Variants in HHIPL2 observed in about 807,000 individuals in gnomAD.
The protein encoded by HHIPL2 is HHIP-like protein 2.
HHIPL2 carries 61 observed loss-of-function variants against 61.0 expected under a neutral mutation model. The ratio of observed to expected loss-of-function variants is 1.00; its 90% CI spans 0.81 to 1.24. The LOEUF is 1.24. Among genes scored for constraint, HHIPL2 ranks in the 50% most tolerant of loss-of-function variants. The pLI, the probability that HHIPL2 is intolerant of heterozygous loss-of-function variation, is 0.00. For synonymous variants in HHIPL2, 343 were observed against 357.4 expected, an observed-to-expected ratio of 0.96 and a Z score of 0.45; for missense variants, 885 against 910.2, an observed-to-expected ratio of 0.97 and a Z score of 0.36.
At chr1:222,537,757 G>T (rs999228389) in intron 5 of HHIPL2, among the ~76,000 whole-genome samples, 2 of 151,674 alleles carry the variant, frequency 1.3e-5, no homozygotes, top group African/African-American at 2.4e-5. Context: ...GTTCAGCAAG[G>T]TTGCCAGATA....
intron 6 of HHIPL2, among the ~76,000 whole-genome samples, chr1:222,529,011 G>A (rs988369513): frequency 5.5e-5 from 8 of 144,916 alleles, no homozygotes; most frequent in East Asian, 1.9e-4. Context: ...TTGTAGAGAC[G>A]GGGTTTCCCT....
chr1:222,526,493 G>A (rs973461231), intron 7 of HHIPL2, among the ~76,000 whole-genome samples: 3 of 151,836 alleles, frequency 2.0e-5, no homozygotes, highest in African/African-American at 7.3e-5. Flanking sequence ...ATCACCTGAG[G>A]TCGGGAGTTC....
rs149049815 is a variant in HHIPL2, at chr1:222,540,192, C to T, written c.1268G>A (p.Arg423His). 4.0e-4 allele frequency: 641 copies of T among 1,614,242 alleles called. No individual in the cohort carries two copies. Among genetic ancestry groups the T allele is most frequent in the Non-Finnish European group, 4.9e-4 (575 of 1,180,032 alleles). The change falls in exon 4 of 9, where the codon CGT becomes CAT. Residue 423 changes from arginine (R) to histidine (H), a missense_variant. Coordinates refer to ENST00000343410, the MANE Select transcript of HHIPL2 (RefSeq NM_024746.4). Reference sequence around the variant, plus strand: ...GGGGTCCCCTCGGTCCACAGCACAACGCCACATGTTCCTGATCCCATAGGC... The same window carrying T: ...GGGGTCCCCTCGGTCCACAGCACAATGCCACATGTTCCTGATCCCATAGGC... ...IYAYGIRNMW[R>H]CAVDRGDPIT...
intron 6 of HHIPL2, among the ~76,000 whole-genome samples, chr1:222,527,800 T>C (rs988970981): frequency 3.3e-5 from 5 of 152,190 alleles, no homozygotes; most frequent in South Asian, 2.1e-4. Context: ...TGGTTTTATA[T>C]AGTTTTATAA....
chr1:222,546,893 C>A (rs1040948549), intron 1 of HHIPL2, among the ~76,000 whole-genome samples: 9 of 152,190 alleles, frequency 5.9e-5, no homozygotes, highest in Admixed American at 5.2e-4. Context: ...TGCTGACAAG[C>A]CCAGGGGGTC....
At position 222,543,644 on chromosome 1, in the gene HHIPL2, G is replaced by A; in HGVS notation, c.867C>T (p.Phe289=). Residue 289 remains phenylalanine (F), a synonymous_variant, in exon 2 of 9, where the codon TTC becomes TTT. Transcript: ENST00000343410. ...TGTCCAGGCACGAATAATAAATATAGAACTTGCGATTGTGGCGGAATTTGG... is the reference window on the plus strand; with the variant it reads ...TGTCCAGGCACGAATAATAAATATAAAACTTGCGATTGTGGCGGAATTTGG... ...FHPKFRHNRK[F]YIYYSCLDKK... 1 of 1,614,066 alleles carries A rather than the reference G, an allele frequency of 6.2e-7. No individual in the cohort carries two copies. The highest frequency in any genetic ancestry group is 1.6e-4 in the Middle Eastern group (1 of 6,062).
At position 222,543,779 on chromosome 1, in the gene HHIPL2, G is replaced by GT. The variant is rs1450839526; in HGVS notation, c.731dup (p.Tyr244Ter). 6.2e-7 allele frequency: 1 copy of GT among 1,614,150 alleles called. No homozygotes were observed. Among genetic ancestry groups the GT allele is most frequent in the African/African-American group, 1.3e-5 (1 of 75,042 alleles). ...GCTCCAGGCGACTCCCATCAGGGAG[G>GT]TAGACCCACACCACTCCTACCTGCT... ...VAEQVGVVWV[Y>*]LPDGSRLEQP... is the part of the protein sequence containing the mutation. Residue 244 changes from tyrosine to a stop codon, truncating the protein, a stop_gained and frameshift_variant, in exon 2 of 9, where the codon TAC becomes TAAC. Transcript: ENST00000343410. LOFTEE classifies it high-confidence loss of function.
At chr1:222,538,843 G>A in intron 4 of HHIPL2, 69 bp from the exon 5 acceptor site, 1 of 1,559,880 alleles carries the variant, frequency 6.4e-7, no homozygotes, top group Non-Finnish European at 8.7e-7. Flanking sequence ...AGGAAGAAGG[G>A]GACTTTTTAA....
chr1:222,539,355 C>T (rs1190132391), intron 4 of HHIPL2, among the ~76,000 whole-genome samples: 5 of 151,690 alleles, frequency 3.3e-5, no homozygotes, highest in Non-Finnish European at 1.5e-5. Flanking sequence ...CATGGTGAAA[C>T]CCCATCTCTA....
Position 222,543,875 on chromosome 1 carries a change from C to T in HHIPL2, c.636G>A (p.Val212=), listed in dbSNP as rs1367347221. The stretch of plus-strand genomic sequence containing the variant: ...AGACGGGGTTCCTCAGCCCGTTGGC[C>T]ACCTCGCTCAGGCAGAGCTGCAGGC... ...QGCLQLCLSE[V]ANGLRNPVSM... Residue 212 remains valine, a synonymous_variant, in exon 2 of 9, where the codon GTG becomes GTA. Transcript: ENST00000343410. 1 of 1,614,176 alleles carries T rather than the reference C, an allele frequency of 6.2e-7. No individual in the cohort carries two copies. The highest frequency in any genetic ancestry group is 8.5e-7 in the Non-Finnish European group (1 of 1,180,028).
chr1:222,536,895 A>AG (rs1659311745), intron 5 of HHIPL2, among the ~76,000 whole-genome samples: 1 of 151,926 alleles, frequency 6.6e-6, no homozygotes, highest in African/African-American at 2.4e-5. Flanking sequence ...ACAAAAAAAA[A>AG]AATTTTTTTT....
intron 2 of HHIPL2, 116 bp from the exon 3 acceptor site, chr1:222,542,271 A>G: frequency 8.3e-7 from 1 of 1,201,546 alleles, no homozygotes; most frequent in African/African-American, 1.6e-5. Context: ...GCCAGCCAAG[A>G]CCTGCTTCTG....
chr1:222,537,970 G>A (rs762030674), intron 5 of HHIPL2, among the ~76,000 whole-genome samples: 27 of 152,094 alleles, frequency 1.8e-4, no homozygotes, highest in East Asian at 9.6e-4. Flanking sequence ...TCAGCAACAC[G>A]GAGAACAGAT....
At chr1:222,544,355 C>T (rs1164241039) in intron 1 of HHIPL2, among the ~76,000 whole-genome samples, 166 bp from the exon 2 acceptor site, 1 of 152,100 alleles carries the variant, frequency 6.6e-6, no homozygotes, top group Non-Finnish European at 1.5e-5. Flanking sequence ...GATTTTCTAC[C>T]TAGTTAATGC....
Position 222,547,946 on chromosome 1 carries a change from CA to C in HHIPL2, c.98del (p.Leu33TrpfsTer59), listed in dbSNP as rs1558134937. 1 of 1,613,460 alleles carries C rather than the reference CA, an allele frequency of 6.2e-7. No homozygotes were observed. Among genetic ancestry groups the C allele is most frequent in the Non-Finnish European group, 8.5e-7 (1 of 1,179,740 alleles). On this transcript the variant is annotated frameshift_variant, in exon 1 of 9. Coordinates refer to ENST00000343410, the MANE Select transcript of HHIPL2 (RefSeq NM_024746.4). LOFTEE classifies it high-confidence loss of function. ...GTCCCTGCAGCAAGCCCACCTGGCC[CA>C]ACAAGAATATGAGGCAGAGGCAGAG... is the stretch of plus-strand genomic sequence containing the variant. ...GILCLCLIFL[L>X]GQVGLLQGHP...
intron 5 of HHIPL2, among the ~76,000 whole-genome samples, chr1:222,533,585 T>A (rs1659237392): frequency 6.6e-6 from 1 of 152,130 alleles, no homozygotes; most frequent in Admixed American, 6.5e-5. Context: ...AAATAGAACA[T>A]CTTTTCTAAC....
chr1:222,544,447 A>G (rs1230978718), intron 1 of HHIPL2, among the ~76,000 whole-genome samples: 1 of 152,200 alleles, frequency 6.6e-6, no homozygotes, highest in Non-Finnish European at 1.5e-5. Flanking sequence ...TGACATTTAA[A>G]GTTTTATTAA....
chr1:222,536,054 T>G (rs773976698), intron 5 of HHIPL2, among the ~76,000 whole-genome samples: 27 of 151,154 alleles, frequency 1.8e-4, no homozygotes, highest in Admixed American at 1.1e-3. Flanking sequence ...AGATGAAAGG[T>G]CTCAGATCAA....
At position 222,527,060 on chromosome 1, in the gene HHIPL2, C is replaced by T. The variant is rs377275473; in HGVS notation, c.1724-10G>A. ...AGGAAATACAGCTCCCCTAAGGCAACAAAAATAGACAGGCAATAATGGGAC... is the reference window on the plus strand; with the variant it reads ...AGGAAATACAGCTCCCCTAAGGCAATAAAAATAGACAGGCAATAATGGGAC... On this transcript the variant is annotated splice_polypyrimidine_tract_variant and intron_variant, in intron 6 of 8. Coordinates refer to ENST00000343410, the MANE Select transcript of HHIPL2 (RefSeq NM_024746.4). The T allele has an allele frequency of 1.8e-5, 29 of 1,602,994 alleles. No individual in the cohort carries two copies. Among genetic ancestry groups the T allele is most frequent in the Non-Finnish European group, 2.3e-5 (27 of 1,171,606 alleles).
Sources: gnomAD v4.1 joint callset for allele counts (sites outside exome capture counted in the v4.1 genomes callset) on GRCh38, gnomAD v4.1.1 for gene constraint, MANE v1.5 for transcripts, NCBI Gene and HGNC (gene_info 2026-07-23, HGNC 2026-07-21) for gene names.